The following PCDH9 variants were observed in gnomAD, a reference collection of about 807,000 sequenced individuals.
PCDH9 encodes the protein protocadherin-9.
In PCDH9, 24 loss-of-function variants were observed where a neutral mutation model predicts 70.6. The ratio of observed to expected loss-of-function variants is 0.34; its 90% CI spans 0.25 to 0.48. PCDH9 has a LOEUF of 0.48. Among genes scored for constraint, PCDH9 ranks in the 20% least tolerant of loss-of-function variants. The probability of loss-of-function intolerance (pLI) is 0.99; values close to 1 mark genes in which losing one functional copy is unlikely to be tolerated. For missense variants in PCDH9, 1,281 were observed against 1,503.6 expected, an observed-to-expected ratio of 0.85 and a Z score of 2.45; for synonymous variants, 562 against 558.5, an observed-to-expected ratio of 1.01 and a Z score of -0.09.
At chr13:66,807,485 T>C (rs1466890140) in intron 3 of PCDH9, among the ~76,000 whole-genome samples, 1 of 152,192 alleles carries the variant, frequency 6.6e-6, no homozygotes, top group Non-Finnish European at 1.5e-5. Context: ...GAAAAGTTTC[T>C]AGCCCATTTT....
Position 66,304,437 on chromosome 13 carries a change from G to A in PCDH9, c.*218C>T, listed in dbSNP as rs1021096876. ...AAATTTGCACAATGGAGAGATCTCTGGAGAGTGTAATCAATTCTAGTAAAC... is the reference window on the plus strand; with the variant it reads ...AAATTTGCACAATGGAGAGATCTCTAGAGAGTGTAATCAATTCTAGTAAAC... On this transcript the variant is annotated 3_prime_UTR_variant, in exon 5 of 5. Coordinates refer to ENST00000377865, the MANE Select transcript of PCDH9 (RefSeq NM_203487.3). The A allele has an allele frequency of 3.9e-6, 2 of 517,408 alleles. No individual in the cohort carries two copies. The highest frequency in any genetic ancestry group is 6.9e-6 in the Non-Finnish European group (2 of 291,506). The allele number at this position is 517,408 out of a possible 1,614,324, so 32.1% of individuals were successfully genotyped here.
chr13:66,886,142 C>T (rs2082001478), intron 3 of PCDH9: 1 of 152,110 alleles, frequency 6.6e-6, no homozygotes, highest in African/African-American at 2.4e-5. Context: ...TTTGTTGGGC[C>T]ATTAAACTTA....
intron 2 of PCDH9, among the ~76,000 whole-genome samples, chr13:67,053,643 T>C (rs2085364651): frequency 6.6e-6 from 1 of 152,154 alleles, no homozygotes; most frequent in Non-Finnish European, 1.5e-5. Flanking sequence ...TCAAACAAAC[T>C]AAGCAATACG....
At chr13:67,044,524 A>G (rs1056021038) in intron 2 of PCDH9, among the ~76,000 whole-genome samples, 25 of 152,144 alleles carry the variant, frequency 1.6e-4, no homozygotes, top group Non-Finnish European at 8.8e-5. Context: ...TATCTCACTT[A>G]TTTCTTTAGC....
rs1261502327 is a variant in PCDH9, at chr13:67,227,831, G to T, written c.610C>A (p.Leu204Met). The T allele has an allele frequency of 6.2e-7, 1 of 1,614,022 alleles. No individual in the cohort carries two copies. Among genetic ancestry groups the T allele is most frequent in the Non-Finnish European group, 8.5e-7 (1 of 1,179,928 alleles). ...CTATCCAAGTTTTGCTGAACAATCA[G>T]TTGTGGCCACTTCTCTCCCTCTGGA... is the stretch of plus-strand genomic sequence containing the variant. ...ETPEGEKWPQ[L>M]IVQQNLDREQ... The change falls in exon 2 of 5, where the codon CTG becomes ATG. Residue 204 changes from leucine to methionine, a missense_variant. This residue lies in a region of PCDH9 where 798 missense variants were observed against 1,003.1 expected (regional missense o/e 0.80). Coordinates refer to ENST00000377865, the MANE Select transcript of PCDH9 (RefSeq NM_203487.3). This position sits in a 1 kb window ranked among gnomAD's most constrained non-coding sequence, Gnocchi z 4.6.
intron 3 of PCDH9, among the ~76,000 whole-genome samples, chr13:66,717,480 A>AAATATATAT (rs1566145314): frequency 2.7e-4 from 12 of 44,434 alleles, no homozygotes; most frequent in Non-Finnish European, 3.4e-4. Flanking sequence ...AAAAAAAAAA[A>AAATATATAT]ATATATATAT....
chr13:66,606,666 T>C (rs1231492847), intron 4 of PCDH9, among the ~76,000 whole-genome samples: 2 of 152,164 alleles, frequency 1.3e-5, no homozygotes, highest in African/African-American at 4.8e-5. Context: ...AGTACGTCTC[T>C]CCTAAATCAT....
chr13:66,586,627 T>G (rs1294980872), intron 4 of PCDH9, among the ~76,000 whole-genome samples: 1 of 152,112 alleles, frequency 6.6e-6, no homozygotes, highest in Non-Finnish European at 1.5e-5. Flanking sequence ...ACACCACATT[T>G]GTTAACACAT....
At chr13:67,103,772 G>C (rs1032889218) in intron 2 of PCDH9, among the ~76,000 whole-genome samples, 1 of 152,132 alleles carries the variant, frequency 6.6e-6, no homozygotes, top group Non-Finnish European at 1.5e-5. Context: ...ATGGGGACTT[G>C]AATGCTTGAC....
At chr13:66,905,160 C>A (rs1407347507) in intron 2 of PCDH9, among the ~76,000 whole-genome samples, 1 of 151,854 alleles carries the variant, frequency 6.6e-6, no homozygotes, top group Non-Finnish European at 1.5e-5. Flanking sequence ...GCAACAAAGG[C>A]TTCACAGCAG....
At chr13:66,770,247 A>T (rs1000076459) in intron 3 of PCDH9, among the ~76,000 whole-genome samples, 27 of 152,262 alleles carry the variant, frequency 1.8e-4, no homozygotes, top group Non-Finnish European at 5.9e-5. Flanking sequence ...AAAAGACTAC[A>T]CACTGGGTAC....
chr13:66,593,116 T>G (rs1416224119), intron 4 of PCDH9, among the ~76,000 whole-genome samples: 1 of 151,728 alleles, frequency 6.6e-6, no homozygotes, highest in Non-Finnish European at 1.5e-5. Context: ...AATTTGGAAA[T>G]ATTTGTTAAG....
intron 3 of PCDH9, among the ~76,000 whole-genome samples, chr13:66,824,418 G>A (rs1370773157): frequency 1.4e-5 from 2 of 148,130 alleles, no homozygotes; most frequent in African/African-American, 5.0e-5. Context: ...CACTTTGGGA[G>A]GCCAAGGCAG....
rs550076549 is a variant in PCDH9, at chr13:66,713,731, T to A, written c.3139-82320A>T. Among the ~76,000 whole-genome samples, 14 of 150,758 alleles carry A rather than the reference T, an allele frequency of 9.3e-5. No individual in the cohort carries two copies. The East Asian group carries it at 2.7e-3, about 29-fold the overall frequency. On this transcript the variant is annotated intron_variant, in intron 3 of 4. Coordinates refer to ENST00000377865, the MANE Select transcript of PCDH9 (RefSeq NM_203487.3). ...GGTCAAATAGACATATCTTCTTACC[T>A]CTCCACCACCTCTAGTATAGTAAGA...
intron 4 of PCDH9, among the ~76,000 whole-genome samples, chr13:66,505,256 T>G (rs1200354233): frequency 6.6e-6 from 1 of 152,170 alleles, no homozygotes; most frequent in Non-Finnish European, 1.5e-5. Flanking sequence ...GACTGGGTAT[T>G]TATAAAAAAG....
At chr13:66,525,545 T>TCAAAA (rs900578971) in intron 4 of PCDH9, among the ~76,000 whole-genome samples, 10 of 152,008 alleles carry the variant, frequency 6.6e-5, no homozygotes, top group East Asian at 1.9e-4. Context: ...AAAGCAAAAA[T>TCAAAA]CAAAACAAAA....
chr13:67,010,963 C>T lies in PCDH9; in HGVS notation c.3037-107358G>A, dbSNP rs141792584. Among the ~76,000 whole-genome samples, 1,301 of 151,976 alleles carry T rather than the reference C, an allele frequency of 8.6e-3. 17 individuals carry two copies. The highest frequency in any genetic ancestry group is 0.031 in the Middle Eastern group (9 of 294). On this transcript the variant is annotated intron_variant, in intron 2 of 4. Transcript: ENST00000377865. Reference sequence around the variant, plus strand: ...TTCACAGACATTGTGATATTTATCACTATATTCATATGACTTAAAAGTGAG... The same window carrying T: ...TTCACAGACATTGTGATATTTATCATTATATTCATATGACTTAAAAGTGAG...
chr13:67,077,566 C>G lies in PCDH9; in HGVS notation c.3036+147839G>C, dbSNP rs560530299. Among the ~76,000 whole-genome samples, 6 of 152,254 alleles carry G rather than the reference C, an allele frequency of 3.9e-5. No homozygotes were observed. The East Asian group carries it at 1.2e-3, about 29-fold the overall frequency. On this transcript the variant is annotated intron_variant, in intron 2 of 4. Transcript: ENST00000377865. ...ATTCCATTTTTGTCTCTTTGTATCA[C>G]TGATGTTTAGAATAGTATCTGGCAC...
intron 4 of PCDH9, among the ~76,000 whole-genome samples, chr13:66,622,649 T>A (rs376245171): frequency 3.3e-5 from 5 of 152,250 alleles, no homozygotes; most frequent in African/African-American, 1.2e-4. Context: ...GTGGAGAACC[T>A]TTGTGTGTAG....
Sources: allele counts gnomAD v4.1 joint callset (sites outside exome capture counted in the v4.1 genomes callset), GRCh38; gene constraint gnomAD v4.1.1; regional missense constraint gnomAD v4.1.1; non-coding constraint Gnocchi (gnomAD v3.1); transcripts MANE v1.5; gene names NCBI Gene and HGNC (gene_info 2026-07-23, HGNC 2026-07-21).